GPC5: variants seen among roughly 807,000 people sequenced by gnomAD.
GPC5 encodes the protein glypican 5, also known as glypican-5.
GPC5 carries 47 observed loss-of-function variants against 53.9 expected under a neutral mutation model. That is an observed-to-expected ratio of 0.87 (90% CI 0.69 to 1.11). The LOEUF (loss-of-function observed/expected upper bound fraction) is 1.11, where lower values mean the gene tolerates loss of function less well. GPC5 is among the 50% of genes most tolerant of loss of function. The pLI is 0.00. For synonymous variants in GPC5, 286 were observed against 263.3 expected (o/e 1.09, Z -0.84); for missense variants, 748 against 713.1 (o/e 1.05, Z -0.56).
At chr13:91,502,581 T>G (rs1249634876) in intron 2 of GPC5, among the ~76,000 whole-genome samples, 2 of 152,076 alleles carry the variant, frequency 1.3e-5, no homozygotes, top group African/African-American at 4.8e-5. Flanking sequence ...CAGAATGGAA[T>G]CCCAGAACTG....
rs376542541 is a variant in GPC5 at position 91,565,417 on chromosome 13, T to C, written c.325+116495T>C. On this transcript the variant is annotated intron_variant, in intron 2 of 7. Coordinates refer to ENST00000377067, the MANE Select transcript of GPC5 (RefSeq NM_004466.6). ...GTTAGAGAAAGTTTGGAATTTATAC[T>C]GCTTAAGCGATGTACAGTTGTTAGG... is the stretch of plus-strand genomic sequence containing the variant. 5.9e-5 allele frequency among the ~76,000 whole-genome samples: 9 copies of C among 152,346 alleles called. No individual in the cohort carries two copies. The East Asian group carries it at 1.7e-3, about 29-fold the overall frequency.
intron 6 of GPC5, among the ~76,000 whole-genome samples, chr13:91,908,695 C>G (rs534027522): frequency 2.0e-5 from 3 of 152,088 alleles, no homozygotes; most frequent in Non-Finnish European, 2.9e-5. Context: ...TAATTAGAAC[C>G]AAACATTATG....
chr13:92,709,335 AGGCCACTGTGCAT>A (rs2139266517), intron 7 of GPC5, among the ~76,000 whole-genome samples: 1 of 152,024 alleles, frequency 6.6e-6, no homozygotes, highest in African/African-American at 2.4e-5. Flanking sequence ...CTGGAAGTAC[AGGCCACTGTGCAT>A]GGCCGAAACC....
At chr13:91,698,359 A>T (rs1044082483) in intron 3 of GPC5, among the ~76,000 whole-genome samples, 2 of 152,198 alleles carry the variant, frequency 1.3e-5, no homozygotes, top group Non-Finnish European at 2.9e-5. Context: ...ATATACTAAC[A>T]TACTTAAATT....
rs576658549 is a variant in GPC5, at chr13:92,644,473, G to T, written c.1562-221809G>T. Reference sequence around the variant, plus strand: ...CTGTCTATATAAGCTGACATGTTAAGTTCCCTAAGACATAATGCCATGTGA... The same window carrying T: ...CTGTCTATATAAGCTGACATGTTAATTTCCCTAAGACATAATGCCATGTGA... On this transcript the variant is annotated intron_variant, in intron 7 of 7. Coordinates refer to ENST00000377067, the MANE Select transcript of GPC5 (RefSeq NM_004466.6). Among the ~76,000 whole-genome samples, 8 of 152,240 alleles carry T rather than the reference G, an allele frequency of 5.3e-5. No homozygotes were observed. The East Asian group carries it at 1.4e-3, about 26-fold the overall frequency.
At chr13:92,122,510 T>C (rs1243085530) in intron 6 of GPC5, among the ~76,000 whole-genome samples, 2 of 151,964 alleles carry the variant, frequency 1.3e-5, no homozygotes, top group Non-Finnish European at 2.9e-5. Flanking sequence ...TTTCTGTAGA[T>C]GGTTTAATTC....
intron 7 of GPC5, among the ~76,000 whole-genome samples, chr13:92,515,816 A>G (rs935579327): frequency 6.6e-6 from 1 of 152,158 alleles, no homozygotes; most frequent in Non-Finnish European, 1.5e-5. Flanking sequence ...TCAAACCCAG[A>G]AGACTAAATT....
intron 1 of GPC5, among the ~76,000 whole-genome samples, chr13:91,421,882 C>A (rs1878659909): frequency 6.6e-6 from 1 of 152,216 alleles, no homozygotes; most frequent in Admixed American, 6.5e-5. Flanking sequence ...TGTACTCTAA[C>A]AAGGCTGGCA....
chr13:92,859,586 A>C (rs373205501), intron 7 of GPC5, among the ~76,000 whole-genome samples: 21 of 152,192 alleles, frequency 1.4e-4, no homozygotes, highest in Non-Finnish European at 2.8e-4. Flanking sequence ...ATTAGTAATA[A>C]TTATTCCAAA....
chr13:92,079,855 A>G (rs2041281515), intron 6 of GPC5, among the ~76,000 whole-genome samples: 1 of 152,136 alleles, frequency 6.6e-6, no homozygotes, highest in Non-Finnish European at 1.5e-5. Flanking sequence ...CTTTCCTTCA[A>G]TGCTGCATCT....
At chr13:92,232,815 C>T (rs2139103245) in intron 7 of GPC5, among the ~76,000 whole-genome samples, 1 of 152,292 alleles carries the variant, frequency 6.6e-6, no homozygotes, top group Non-Finnish European at 1.5e-5. Context: ...CTTCTCTAAT[C>T]TAAACATATC....
chr13:91,940,704 G>GT (rs1404765581), intron 6 of GPC5, among the ~76,000 whole-genome samples: 2 of 152,008 alleles, frequency 1.3e-5, no homozygotes, highest in African/African-American at 4.8e-5. Flanking sequence ...GAATGAAATG[G>GT]TATCTCGCTG....
chr13:91,520,292 T>C (rs1034413822), intron 2 of GPC5, among the ~76,000 whole-genome samples: 1 of 152,208 alleles, frequency 6.6e-6, no homozygotes, highest in Non-Finnish European at 1.5e-5. Flanking sequence ...ATGATAGGTG[T>C]GTGGTGGTCA....
intron 7 of GPC5, among the ~76,000 whole-genome samples, chr13:92,157,884 G>T (rs1467550550): frequency 6.6e-6 from 1 of 152,076 alleles, no homozygotes; most frequent in Non-Finnish European, 1.5e-5. Flanking sequence ...GACTTTTAAA[G>T]ATGTATCCCA....
At chr13:92,850,407 A>G (rs1453397753) in intron 7 of GPC5, among the ~76,000 whole-genome samples, 1 of 152,172 alleles carries the variant, frequency 6.6e-6, no homozygotes, top group East Asian at 1.9e-4. Flanking sequence ...CGAGACCAGC[A>G]TGGCCAACAT....
At chr13:91,948,236 A>T (rs200418276) in intron 6 of GPC5, among the ~76,000 whole-genome samples, 3,801 of 149,802 alleles carry the variant, frequency 0.025, 128 homozygotes, top group African/African-American at 0.079. Flanking sequence ...TCAAAAAAAA[A>T]AAAAAAATAA....
chr13:91,597,133 G>T (rs2033023873), intron 2 of GPC5, among the ~76,000 whole-genome samples: 1 of 152,002 alleles, frequency 6.6e-6, no homozygotes, highest in South Asian at 2.1e-4. Context: ...CAGCTTCAAG[G>T]ATCACTGTCT....
chr13:92,441,896 A>G (rs1343110505), intron 7 of GPC5, among the ~76,000 whole-genome samples: 1 of 152,204 alleles, frequency 6.6e-6, no homozygotes, highest in East Asian at 1.9e-4. Context: ...TAACTAATCA[A>G]AAAGAACAAA....
intron 7 of GPC5, among the ~76,000 whole-genome samples, chr13:92,581,692 AG>A (rs1311455909): frequency 6.6e-5 from 10 of 152,264 alleles, no homozygotes; most frequent in African/African-American, 1.9e-4. Flanking sequence ...ACAGTTAAAA[AG>A]TTTCCCCTTT....
Sources: gnomAD v4.1 joint callset for allele counts (sites outside exome capture counted in the v4.1 genomes callset) on GRCh38, gnomAD v4.1.1 for gene constraint, MANE v1.5 for transcripts, NCBI Gene and HGNC (gene_info 2026-07-23, HGNC 2026-07-21) for gene names.